The following CYP2C8 variants were observed in gnomAD, a reference collection of about 807,000 sequenced individuals.
The protein encoded by CYP2C8 is cytochrome P450 family 2 subfamily C member 8.
CYP2C8 carries 51 observed loss-of-function variants against 41.3 expected under a neutral mutation model. That is an observed-to-expected ratio of 1.24 (90% CI 0.99 to 1.56). The LOEUF (loss-of-function observed/expected upper bound fraction) is 1.56. CYP2C8 is among the 40% of genes most tolerant of loss of function. CYP2C8 has a pLI of 0.00. For missense variants in CYP2C8, 651 were observed against 579.9 expected (o/e 1.12, Z -1.26); for synonymous variants, 218 against 205.8 (o/e 1.06, Z -0.51).
intron 4 of CYP2C8, among the ~76,000 whole-genome samples, chr10:95,062,962 T>C (rs1208424043): frequency 2.6e-5 from 4 of 152,216 alleles, no homozygotes; most frequent in African/African-American, 9.7e-5. Flanking sequence ...TGTTGAATAT[T>C]GGCCACCACT....
intron 6 of CYP2C8, among the ~76,000 whole-genome samples, chr10:95,045,532 G>A (rs1174171063): frequency 1.3e-5 from 2 of 152,130 alleles, no homozygotes; most frequent in African/African-American, 4.8e-5. Context: ...ATTTATGCTG[G>A]CTCTCCTTAC....
intron 4 of CYP2C8, 110 bp downstream of exon 4, chr10:95,064,690 C>A (rs925317073): frequency 5.5e-6 from 6 of 1,081,142 alleles, no homozygotes; most frequent in Non-Finnish European, 8.2e-6. Context: ...ACTCATACAT[C>A]ATTTTTATTG....
chr10:95,069,430 C>A lies in CYP2C8; in HGVS notation c.-28G>T. ...AAGCCTTCTCTTCTTATTAAGACAG[C>A]TGTGAGCTTGCACTCCAAAGTTTTT... On this transcript the variant is annotated 5_prime_UTR_variant, in exon 1 of 9. Coordinates refer to ENST00000371270, the MANE Select transcript of CYP2C8 (RefSeq NM_000770.3). 1 of 1,605,176 alleles carries A rather than the reference C, an allele frequency of 6.2e-7. No individual in the cohort carries two copies. Among genetic ancestry groups the A allele is most frequent in the Non-Finnish European group, 8.5e-7 (1 of 1,172,316 alleles).
intron 5 of CYP2C8, among the ~76,000 whole-genome samples, chr10:95,056,395 AGG>A (rs2033315305): frequency 6.6e-6 from 1 of 152,210 alleles, no homozygotes; most frequent in South Asian, 2.1e-4. Context: ...TAACACTCCT[AGG>A]ACTATACCCT....
intron 7 of CYP2C8, among the ~76,000 whole-genome samples, chr10:95,042,188 C>A (rs2033016510): frequency 6.6e-6 from 1 of 151,936 alleles, no homozygotes; most frequent in Non-Finnish European, 1.5e-5. Flanking sequence ...CTAGCCAGCA[C>A]AATAATGCAA....
intron 4 of CYP2C8, among the ~76,000 whole-genome samples, chr10:95,059,207 A>G (rs1459946105): frequency 6.6e-6 from 1 of 152,218 alleles, no homozygotes; most frequent in Non-Finnish European, 1.5e-5. Flanking sequence ...TAGATCCCTG[A>G]GGAATCACCA....
intron 5 of CYP2C8, 86 bp from the exon 6 acceptor site, chr10:95,046,037 A>G: frequency 6.7e-7 from 1 of 1,489,386 alleles, no homozygotes; most frequent in Non-Finnish European, 9.2e-7. Flanking sequence ...ACTATTTTTT[A>G]AAGTTAGCCA....
chr10:95,057,508 C>T (rs2033336360), intron 5 of CYP2C8, among the ~76,000 whole-genome samples: 1 of 151,966 alleles, frequency 6.6e-6, no homozygotes, highest in Admixed American at 6.6e-5. Flanking sequence ...CCCAAATAGT[C>T]TTGAAAAAAG....
intron 1 of CYP2C8, chr10:95,068,732 A>T: frequency 7.7e-6 from 5 of 650,818 alleles, no homozygotes; most frequent in South Asian, 7.4e-5. Flanking sequence ...AAATGCATCA[A>T]CTCACTCCGC....
At chr10:95,050,359 G>A (rs921614366) in intron 5 of CYP2C8, among the ~76,000 whole-genome samples, 10 of 152,180 alleles carry the variant, frequency 6.6e-5, no homozygotes, top group African/African-American at 2.4e-4. Flanking sequence ...TCACTGAAGG[G>A]AAGGACACAG....
chr10:95,059,860 G>A (rs7099931), intron 4 of CYP2C8, among the ~76,000 whole-genome samples: 97,492 of 152,026 alleles, frequency 0.64, 31,952 homozygotes, highest in African/African-American at 0.76. Flanking sequence ...CTTTCTACAT[G>A]TGGCTAGCCA....
At chr10:95,050,946 T>C (rs2134419894) in intron 5 of CYP2C8, among the ~76,000 whole-genome samples, 1 of 152,074 alleles carries the variant, frequency 6.6e-6, no homozygotes, top group East Asian at 1.9e-4. Flanking sequence ...GATGAATATC[T>C]ACAAGTATAA....
chr10:95,040,882 A>G (rs761678960), intron 7 of CYP2C8: 11 of 455,980 alleles, frequency 2.4e-5, no homozygotes, highest in South Asian at 1.2e-4. Flanking sequence ...AAGGAAGGGA[A>G]AGCAATAAAA....
chr10:95,068,772 C>T, intron 1 of CYP2C8: 2 of 515,210 alleles, frequency 3.9e-6, no homozygotes, highest in Non-Finnish European at 6.8e-6. Context: ...CTTAGAAAGA[C>T]AAAAGAGGCC....
chr10:95,064,718 A>G (rs2033521127), intron 4 of CYP2C8, 82 bp downstream of exon 4: 35 of 1,324,782 alleles, frequency 2.6e-5, no homozygotes, highest in Non-Finnish European at 3.7e-5. Flanking sequence ...GCATTTTAGT[A>G]TCAATTTTCT....
intron 6 of CYP2C8, among the ~76,000 whole-genome samples, chr10:95,044,741 C>G (rs1280181556): frequency 6.6e-6 from 1 of 152,036 alleles, no homozygotes; most frequent in Non-Finnish European, 1.5e-5. Flanking sequence ...AAATCAGGTA[C>G]CTGATAAAAG....
At position 95,044,678 on chromosome 10, in the gene CYP2C8, G is replaced by A. The variant is rs140835755; in HGVS notation, c.961+1132C>T. On this transcript the variant is annotated intron_variant, in intron 6 of 8. Coordinates refer to ENST00000371270, the MANE Select transcript of CYP2C8 (RefSeq NM_000770.3). ...CCTGTAAAGTGTCGCCGAGTACAGG[G>A]GTTCTTAGGCTCAGTCTCTCTGGAG... Among the ~76,000 whole-genome samples the A allele has an allele frequency of 2.0e-4, 30 of 152,146 alleles. No homozygotes were observed. In the East Asian group the frequency reaches 3.1e-3, roughly 16 times the overall value.
Position 95,067,320 on chromosome 10 carries a change from G to C in CYP2C8, c.369C>G (p.Ile123Met). ...GCAAGGTTGTGAGGGAGAAACGCCG[G>C]ATCTCCTTCCATCTCTTTCCATTGC... ...ISSNGKRWKEIRRFSLTTLRN... is the reference protein window; with the variant it reads ...ISSNGKRWKEMRRFSLTTLRN... The change falls in exon 3 of 9, where the codon ATC becomes ATG. Residue 123 changes from isoleucine to methionine, a missense_variant. Transcript: ENST00000371270. 2 of 1,614,060 alleles carry C rather than the reference G, an allele frequency of 1.2e-6. No homozygotes were observed. Among genetic ancestry groups the C allele is most frequent in the Non-Finnish European group, 1.7e-6 (2 of 1,180,036 alleles).
chr10:95,067,151 G>T, intron 3 of CYP2C8, 57 bp downstream of exon 3: 1 of 1,612,332 alleles, frequency 6.2e-7, no homozygotes. Flanking sequence ...TTCCAAGGAC[G>T]TCACTAGTGA....
Sources: allele counts gnomAD v4.1 joint callset (sites outside exome capture counted in the v4.1 genomes callset), GRCh38; gene constraint gnomAD v4.1.1; transcripts MANE v1.5; gene names NCBI Gene and HGNC (gene_info 2026-07-23, HGNC 2026-07-21).